The following ATP6V0A2 variants were observed in gnomAD, a reference collection of about 807,000 sequenced individuals.
ATP6V0A2 encodes V-type proton ATPase 116 kDa subunit a 2.
A neutral mutation model predicts 104.4 loss-of-function variants in ATP6V0A2; 58 were observed. The ratio of observed to expected loss-of-function variants is 0.56; its 90% confidence interval spans 0.45 to 0.69. The LOEUF (loss-of-function observed/expected upper bound fraction) is 0.69, where lower values mean the gene tolerates loss of function less well. ATP6V0A2 is among the 30% of genes least tolerant of loss of function. ATP6V0A2 has a pLI of 0.00. For synonymous variants in ATP6V0A2, 376 were observed against 397.9 expected (o/e 0.95, Z 0.65); for missense variants, 938 against 1,062.9 (o/e 0.88, Z 1.63).
At chr12:123,741,383 G>A (rs772511368) in intron 9 of ATP6V0A2, among the ~76,000 whole-genome samples, 26 of 151,968 alleles carry the variant, frequency 1.7e-4, no homozygotes, top group Non-Finnish European at 2.9e-4. Flanking sequence ...CCCCAGAGGC[G>A]GAGGTTTAAA....
At chr12:123,752,476 A>T (rs1403135807) in intron 17 of ATP6V0A2, 74 bp downstream of exon 17, 21 of 1,559,874 alleles carry the variant, frequency 1.3e-5, no homozygotes, top group African/African-American at 4.1e-5. Flanking sequence ...ATGTTAAGAT[A>T]ATATTTAATC....
chr12:123,719,215 T>C (rs1956373157), intron 2 of ATP6V0A2, among the ~76,000 whole-genome samples: 1 of 152,224 alleles, frequency 6.6e-6, no homozygotes, highest in South Asian at 2.1e-4. Flanking sequence ...CCTTTGCCAG[T>C]GTGTTAGATC....
At chr12:123,757,799 T>A (rs1285241876) in intron 19 of ATP6V0A2, 128 bp from the exon 20 acceptor site, 19 of 671,032 alleles carry the variant, frequency 2.8e-5, no homozygotes, top group South Asian at 2.8e-4. Flanking sequence ...TAAAAATATA[T>A]GTGCCAAGAA....
At position 123,712,577 on chromosome 12, in the gene ATP6V0A2, G is replaced by A. The variant is rs753736392; in HGVS notation, c.12G>A (p.Leu4=). MGS[L]FRSETMCLAQ... is the part of the protein sequence containing the mutation. Reference sequence around the variant, plus strand: ...CGGGTCGGCCCGCCATGGGGTCCCTGTTCCGGAGCGAGACCATGTGCCTGG... The same window carrying A: ...CGGGTCGGCCCGCCATGGGGTCCCTATTCCGGAGCGAGACCATGTGCCTGG... The change falls in exon 1 of 20, where the codon CTG becomes CTA. Residue 4 remains leucine (L), a synonymous_variant. Coordinates refer to ENST00000330342, the MANE Select transcript of ATP6V0A2 (RefSeq NM_012463.4). The A allele has an allele frequency of 3.1e-6, 5 of 1,594,732 alleles. No homozygotes were observed. In the East Asian group the frequency reaches 1.1e-4, roughly 36 times the overall value.
At position 123,727,845 on chromosome 12, in the gene ATP6V0A2, T is replaced by C; in HGVS notation, c.584T>C (p.Val195Ala). The change falls in exon 6 of 20, where the codon GTC (valine) becomes GCC (alanine). Residue 195 changes from valine to alanine, a missense_variant. By Grantham distance (64) the Val-to-Ala change is moderately conservative (BLOSUM62 0). Transcript: ENST00000330342. ...GCATTTGAAAAAATGTTGTGGAGAG[T>C]CTGCAAAGGGTACACCATCGTGTCC... ...VEAFEKMLWR[V>A]CKGYTIVSYA... 1 of 1,613,900 alleles carries C rather than the reference T, an allele frequency of 6.2e-7. No individual in the cohort carries two copies.
Position 123,747,709 on chromosome 12 carries a change from G to A in ATP6V0A2, c.1708G>A (p.Gly570Arg). Residue 570 changes from glycine to arginine, a missense_variant, in exon 14 of 20, where the codon GGA becomes AGA. Transcript: ENST00000330342. ...IIHMTFGVIL[G>R]IFNHLHFRKK... ...TCATATGACTTTTGGAGTCATTCTG[G>A]GAATATTTAACCACTTGTAAGTACA... 6.3e-7 allele frequency: 1 copy of A among 1,598,102 alleles called. No individual in the cohort carries two copies. The highest frequency in any genetic ancestry group is 1.1e-5 in the South Asian group (1 of 90,708).
intron 19 of ATP6V0A2, 54 bp downstream of exon 19, chr12:123,757,040 C>G (rs978031449): frequency 4.4e-6 from 7 of 1,592,172 alleles, no homozygotes; most frequent in East Asian, 2.2e-5. Context: ...ACCCGCCCCC[C>G]CACTGCCCCG....
intron 15 of ATP6V0A2, 86 bp from the exon 16 acceptor site, chr12:123,751,024 G>A (rs141042795): frequency 1.6e-5 from 25 of 1,572,476 alleles, no homozygotes; most frequent in East Asian, 1.6e-4. Context: ...GACATTGTTC[G>A]ATCTTTCCTG....
chr12:123,725,016 C>T (rs1363537238), intron 4 of ATP6V0A2, among the ~76,000 whole-genome samples: 1 of 151,998 alleles, frequency 6.6e-6, no homozygotes, highest in Non-Finnish European at 1.5e-5. Context: ...GCTCACTGCA[C>T]CCTCCGCCTT....
intron 14 of ATP6V0A2, among the ~76,000 whole-genome samples, chr12:123,748,372 C>T (rs796537960): frequency 6.6e-5 from 10 of 152,244 alleles, no homozygotes; most frequent in African/African-American, 2.2e-4. Context: ...GAGATTTGAC[C>T]GCAAAAACTG....
chr12:123,736,445 G>A (rs1315097451), intron 8 of ATP6V0A2, among the ~76,000 whole-genome samples: 1 of 152,104 alleles, frequency 6.6e-6, no homozygotes, highest in African/African-American at 2.4e-5. Flanking sequence ...ACCCGCCTCG[G>A]CCTCCCAGAG....
chr12:123,722,414 C>T lies in ATP6V0A2; in HGVS notation c.260C>T (p.Pro87Leu), dbSNP rs372988817. 2.5e-6 allele frequency: 4 copies of T among 1,612,728 alleles called. No homozygotes were observed. The highest frequency in any genetic ancestry group is 3.4e-6 in the Non-Finnish European group (4 of 1,178,716). The change falls in exon 3 of 20, where the codon CCT becomes CTT. Residue 87 changes from proline to leucine, a missense_variant. Transcript: ENST00000330342. ...IPLPEGEASP[P>L]APPLKQVLEM... Reference sequence around the variant, plus strand: ...CTTCCTGAAGGAGAGGCCAGCCCTCCTGCGCCACCCCTGAAACAGGTTCTA... The same window carrying T: ...CTTCCTGAAGGAGAGGCCAGCCCTCTTGCGCCACCCCTGAAACAGGTTCTA...
intron 2 of ATP6V0A2, among the ~76,000 whole-genome samples, chr12:123,719,931 C>T (rs1447408069): frequency 6.6e-6 from 1 of 152,156 alleles, no homozygotes; most frequent in Non-Finnish European, 1.5e-5. Flanking sequence ...AACCAACAAA[C>T]GACCCCAGGG....
intron 3 of ATP6V0A2, 114 bp from the exon 4 acceptor site, chr12:123,724,540 A>G: frequency 8.2e-7 from 1 of 1,212,870 alleles, no homozygotes; most frequent in Non-Finnish European, 1.2e-6. Context: ...AAAAAAAAAA[A>G]AAGAAAAAAA....
chr12:123,754,219 A>G lies in ATP6V0A2; in HGVS notation c.2176-201A>G. On this transcript the variant is annotated intron_variant, in intron 17 of 19. Coordinates refer to ENST00000330342, the MANE Select transcript of ATP6V0A2 (RefSeq NM_012463.4). ...ATGAAGGTGGGGATTTGGGGTGGTA[A>G]AGTCTGGTCATGGAGCTGGGTAGTG... 4.9e-6 allele frequency: 3 copies of G among 615,746 alleles called. No homozygotes were observed. In the Admixed American group the frequency reaches 8.0e-5, roughly 16 times the overall value. The allele number at this position is 615,746 out of a possible 1,614,324, so 38.1% of individuals were successfully genotyped here. A position where few individuals can be genotyped will look rare whatever the true frequency, so the allele number is the denominator to read the frequency against.
At position 123,748,737 on chromosome 12, in the gene ATP6V0A2, C is replaced by T; in HGVS notation, c.1887C>T (p.Asn629=). The T allele has an allele frequency of 6.2e-7, 1 of 1,614,180 alleles. No individual in the cohort carries two copies. The highest frequency in any genetic ancestry group is 8.5e-7 in the Non-Finnish European group (1 of 1,180,040). ...VAPSILIEFI[N]MFLFPASKTS... ...CCAGCATTCTGATTGAATTTATTAACATGTTTTTATTCCCAGCCAGTAAAA... is the reference window on the plus strand; with the variant it reads ...CCAGCATTCTGATTGAATTTATTAATATGTTTTTATTCCCAGCCAGTAAAA... The change falls in exon 15 of 20, where the codon AAC becomes AAT. Residue 629 remains asparagine (N), a synonymous_variant. Coordinates refer to ENST00000330342, the MANE Select transcript of ATP6V0A2 (RefSeq NM_012463.4).
intron 13 of ATP6V0A2, 61 bp downstream of exon 13, chr12:123,745,033 C>A: frequency 6.6e-7 from 1 of 1,511,330 alleles, no homozygotes; most frequent in Non-Finnish European, 9.2e-7. Context: ...TAGCTTCGGG[C>A]GCCACGAGTT....
intron 17 of ATP6V0A2, 67 bp downstream of exon 17, chr12:123,752,469 TTAAGA>T (rs1235719496): frequency 2.5e-6 from 4 of 1,580,730 alleles, no homozygotes; most frequent in Middle Eastern, 1.7e-4. Flanking sequence ...GATAATCATG[TTAAGA>T]TAATATTTAA....
chr12:123,742,792 C>T, intron 9 of ATP6V0A2, among the ~76,000 whole-genome samples: 1 of 151,646 alleles, frequency 6.6e-6, no homozygotes, highest in Non-Finnish European at 1.5e-5. Context: ...GCCGAGATCA[C>T]ACCACTGCAC....
Sources: gnomAD v4.1 joint callset for allele counts (sites outside exome capture counted in the v4.1 genomes callset) on GRCh38, gnomAD v4.1.1 for gene constraint, MANE v1.5 for transcripts, NCBI Gene and HGNC (gene_info 2026-07-23, HGNC 2026-07-21) for gene names.